Variants in ATRNL1 observed in about 807,000 individuals in gnomAD.
ATRNL1 encodes the protein attractin like 1.
In ATRNL1, 95 loss-of-function variants were observed where a neutral mutation model predicts 182.7. That is an observed-to-expected ratio of 0.52 (90% confidence interval 0.44 to 0.62). The LOEUF (loss-of-function observed/expected upper bound fraction) is 0.62. ATRNL1 is among the 20% of genes least tolerant of loss of function. The pLI is 0.00. For synonymous variants in ATRNL1, 576 were observed against 568.3 expected, an observed-to-expected ratio of 1.01 and a Z score of -0.19; for missense variants, 1,471 against 1,679.5, an observed-to-expected ratio of 0.88 and a Z score of 2.17.
At chr10:115,481,419 G>A (rs1554974169) in intron 24 of ATRNL1, among the ~76,000 whole-genome samples, 1 of 150,658 alleles carries the variant, frequency 6.6e-6, no homozygotes, top group Non-Finnish European at 1.5e-5. Flanking sequence ...ACAAATTTAT[G>A]ATTGTATATT....
At chr10:115,866,165 G>T (rs1339121116) in intron 28 of ATRNL1, among the ~76,000 whole-genome samples, 1 of 152,096 alleles carries the variant, frequency 6.6e-6, no homozygotes, top group African/African-American at 2.4e-5. Flanking sequence ...TAATGCTTTA[G>T]ATAATTAAGC....
At chr10:115,559,414 T>TTGTG (rs138709567) in intron 26 of ATRNL1, among the ~76,000 whole-genome samples, 2,450 of 147,604 alleles carry the variant, frequency 0.017, 26 homozygotes, top group African/African-American at 0.028. Context: ...TTCTTGGTGT[T>TTGTG]TGTGTGTGTG....
chr10:115,906,985 G>A (rs548640541), intron 28 of ATRNL1, among the ~76,000 whole-genome samples: 8 of 152,048 alleles, frequency 5.3e-5, no homozygotes, highest in Non-Finnish European at 1.0e-4. Flanking sequence ...TCAACTCAGT[G>A]CTGAAAGAGT....
intron 19 of ATRNL1, among the ~76,000 whole-genome samples, chr10:115,369,609 C>A (rs1857279850): frequency 6.6e-6 from 1 of 152,060 alleles, no homozygotes; most frequent in Admixed American, 6.6e-5. Context: ...ATTTTTGGAT[C>A]ATATGAAAGG....
intron 9 of ATRNL1, among the ~76,000 whole-genome samples, chr10:115,235,376 A>G (rs1592301311): frequency 6.6e-6 from 1 of 152,068 alleles, no homozygotes; most frequent in Non-Finnish European, 1.5e-5. Context: ...GAAACCCCAT[A>G]CCTGTCTATT....
At chr10:115,721,169 T>C (rs1317220509) in intron 26 of ATRNL1, among the ~76,000 whole-genome samples, 3 of 152,174 alleles carry the variant, frequency 2.0e-5, no homozygotes, top group African/African-American at 7.2e-5. Flanking sequence ...TCTAAAAATC[T>C]GTGGAGATTG....
intron 27 of ATRNL1, among the ~76,000 whole-genome samples, chr10:115,751,132 AGAG>A (rs1258577678): frequency 3.9e-5 from 6 of 152,080 alleles, no homozygotes; most frequent in African/African-American, 1.4e-4. Context: ...GGAGTCAGTC[AGAG>A]GAGATGTATC....
At chr10:115,838,739 A>G (rs1228813391) in intron 27 of ATRNL1, among the ~76,000 whole-genome samples, 1 of 152,138 alleles carries the variant, frequency 6.6e-6, no homozygotes, top group Non-Finnish European at 1.5e-5. Context: ...TATGTTTAAT[A>G]TAGACTTGTT....
At position 115,171,180 on chromosome 10, in the gene ATRNL1, G is replaced by A; in HGVS notation, c.1236G>A (p.Glu412=). The A allele has an allele frequency of 6.2e-7, 1 of 1,611,474 alleles. No homozygotes were observed. Among genetic ancestry groups the A allele is most frequent in the African/African-American group, 1.3e-5 (1 of 74,932 alleles). The change falls in exon 8 of 29, where the codon GAG becomes GAA. Residue 412 remains glutamate (E), a synonymous_variant. Transcript: ENST00000355044. Reference sequence around the variant, plus strand: ...GACATGGTCAGCAGTATGCTGTGGAGGGACATTCAGCACATATTATGGAGT... The same window carrying A: ...GACATGGTCAGCAGTATGCTGTGGAAGGACATTCAGCACATATTATGGAGT... The part of the protein sequence containing the change: ...VLGHGQQYAV[E]GHSAHIMELD...
intron 26 of ATRNL1, among the ~76,000 whole-genome samples, chr10:115,696,906 A>T (rs1343247944): frequency 2.0e-5 from 3 of 147,022 alleles, no homozygotes; most frequent in African/African-American, 7.5e-5. Flanking sequence ...AGAGCGAGCG[A>T]GCTAGGGGGG....
At chr10:115,351,877 A>T (rs1400640852) in intron 19 of ATRNL1, among the ~76,000 whole-genome samples, 1 of 152,140 alleles carries the variant, frequency 6.6e-6, no homozygotes, top group African/African-American at 2.4e-5. Context: ...TTTGTAGAAT[A>T]TAATAAGTAG....
chr10:115,688,113 AGTTCCATCCAT>A (rs1946277231), intron 26 of ATRNL1, among the ~76,000 whole-genome samples: 1 of 152,064 alleles, frequency 6.6e-6, no homozygotes, highest in Non-Finnish European at 1.5e-5. Flanking sequence ...AATGTCCTCC[AGTTCCATCCAT>A]GTTGCTGGAA....
At chr10:115,474,492 G>A (rs535213454) in intron 24 of ATRNL1, among the ~76,000 whole-genome samples, 1 of 151,348 alleles carries the variant, frequency 6.6e-6, no homozygotes, top group South Asian at 2.1e-4. Flanking sequence ...TCTCTCATAA[G>A]ATTTGGGAAG....
At chr10:115,530,895 T>C (rs1592795917) in intron 25 of ATRNL1, among the ~76,000 whole-genome samples, 1 of 151,118 alleles carries the variant, frequency 6.6e-6, no homozygotes, top group Non-Finnish European at 1.5e-5. Flanking sequence ...TTTTTGTCCT[T>C]GCGATAGTTT....
chr10:115,691,861 T>A (rs1438307979), intron 26 of ATRNL1, among the ~76,000 whole-genome samples: 2 of 152,218 alleles, frequency 1.3e-5, no homozygotes, highest in African/African-American at 4.8e-5. Flanking sequence ...ATTTTTTGGA[T>A]ATTAGTCATT....
Position 115,368,076 on chromosome 10 carries a change from T to G in ATRNL1, c.3176-26583T>G, listed in dbSNP as rs369783558. ...GTTCAGTTGGAGCTCCCTGGCTGCT[T>G]TGTTTACCTAAGCAAGCCTGGGCAA... On this transcript the variant is annotated intron_variant, in intron 19 of 28. Transcript: ENST00000355044. 8.1e-4 allele frequency among the ~76,000 whole-genome samples: 124 copies of G among 152,302 alleles called. 2 individuals carry two copies. In the South Asian group the frequency reaches 0.025, roughly 31 times the overall value.
intron 19 of ATRNL1, among the ~76,000 whole-genome samples, chr10:115,388,371 G>A (rs1554953218): frequency 6.6e-6 from 1 of 151,998 alleles, no homozygotes; most frequent in African/African-American, 2.4e-5. Flanking sequence ...TTTAGCTTTG[G>A]TACTAAAAAG....
intron 20 of ATRNL1, among the ~76,000 whole-genome samples, chr10:115,415,374 AATT>A (rs1176167061): frequency 6.6e-6 from 1 of 151,902 alleles, no homozygotes; most frequent in African/African-American, 2.4e-5. Context: ...TTTTCTATAA[AATT>A]ATTAGTTTCC....
chr10:115,314,893 ATG>A (rs1854217813), intron 17 of ATRNL1, among the ~76,000 whole-genome samples: 1 of 152,166 alleles, frequency 6.6e-6, no homozygotes, highest in Non-Finnish European at 1.5e-5. Flanking sequence ...GAAAACTAGA[ATG>A]TGTGCTCTGG....
Sources: allele counts gnomAD v4.1 joint callset (sites outside exome capture counted in the v4.1 genomes callset), GRCh38; gene constraint gnomAD v4.1.1; transcripts MANE v1.5; gene names NCBI Gene and HGNC (gene_info 2026-07-23, HGNC 2026-07-21).